Variants in MYO6 observed in about 807,000 individuals in gnomAD.
The protein encoded by MYO6 is myosin VI, also known as unconventional myosin-VI.
MYO6 carries 74 observed loss-of-function variants against 178.7 expected under a neutral mutation model. The ratio of observed to expected loss-of-function variants is 0.41; its 90% CI spans 0.34 to 0.50. The LOEUF is 0.50. Ranked by LOEUF, MYO6 falls within the 20% of genes least tolerant of loss-of-function variation. The pLI is 0.09. For missense variants in MYO6, 1,330 were observed against 1,547.4 expected (o/e 0.86, Z 2.36); for synonymous variants, 477 against 504.6 (o/e 0.95, Z 0.73).
intron 1 of MYO6, among the ~76,000 whole-genome samples, chr6:75,773,146 A>G (rs1238866990): frequency 6.6e-6 from 1 of 152,228 alleles, no homozygotes; most frequent in African/African-American, 2.4e-5. Context: ...ATTCTTCCCA[A>G]TTTGAACTTT....
chr6:75,872,236 A>G (rs967520378), intron 19 of MYO6, among the ~76,000 whole-genome samples: 2 of 152,254 alleles, frequency 1.3e-5, no homozygotes, highest in Non-Finnish European at 2.9e-5. Flanking sequence ...GAAGAGAAAC[A>G]GTTATTTGGA....
chr6:75,830,217 C>A (rs1772939221), intron 4 of MYO6, among the ~76,000 whole-genome samples, 199 bp from the exon 5 acceptor site: 1 of 151,976 alleles, frequency 6.6e-6, no homozygotes, highest in Non-Finnish European at 1.5e-5. Context: ...TGGTAAGATA[C>A]AAATATTTAT....
chr6:75,836,082 A>G, intron 7 of MYO6, 126 bp downstream of exon 7: 2 of 733,918 alleles, frequency 2.7e-6, no homozygotes, highest in Non-Finnish European at 5.0e-6. Flanking sequence ...ATCATTGCTC[A>G]TATATCATCT....
intron 1 of MYO6, among the ~76,000 whole-genome samples, chr6:75,781,241 A>G (rs1460836888): frequency 7.9e-5 from 12 of 152,232 alleles, no homozygotes. Context: ...AAGTAGGTTC[A>G]TAGAAAGGGG....
At chr6:75,857,864 T>C (rs895774595) in intron 13 of MYO6, among the ~76,000 whole-genome samples, 1 of 152,204 alleles carries the variant, frequency 6.6e-6, no homozygotes, top group Non-Finnish European at 1.5e-5. Context: ...AATCTTGAAA[T>C]GTAAATCTAA....
At chr6:75,812,422 G>A (rs1241158591) in intron 1 of MYO6, among the ~76,000 whole-genome samples, 1 of 152,104 alleles carries the variant, frequency 6.6e-6, no homozygotes, top group Non-Finnish European at 1.5e-5. Flanking sequence ...GAAGTACCCA[G>A]CAACTCAAGG....
chr6:75,810,520 T>A (rs933103128), intron 1 of MYO6, among the ~76,000 whole-genome samples: 1 of 152,184 alleles, frequency 6.6e-6, no homozygotes, highest in South Asian at 2.1e-4. Flanking sequence ...GAGGGGGGTA[T>A]AATGAGGCAT....
chr6:75,795,919 C>T (rs534092365), intron 1 of MYO6, among the ~76,000 whole-genome samples: 3 of 152,216 alleles, frequency 2.0e-5, no homozygotes, highest in East Asian at 1.9e-4. Context: ...GATGATTGCT[C>T]TACTGAATTT....
intron 15 of MYO6, among the ~76,000 whole-genome samples, chr6:75,861,959 A>G (rs1776246760): frequency 6.6e-6 from 1 of 152,128 alleles, no homozygotes; most frequent in Non-Finnish European, 1.5e-5. Context: ...TCCCATTTGT[A>G]GCTTAGTTCA....
chr6:75,908,375 G>T (rs1304617108), intron 31 of MYO6, 121 bp from the exon 32 acceptor site: 1 of 891,064 alleles, frequency 1.1e-6, no homozygotes, highest in Non-Finnish European at 1.7e-6. Flanking sequence ...GCTTACTTTT[G>T]ATTTTGTACC....
intron 3 of MYO6, among the ~76,000 whole-genome samples, chr6:75,827,088 A>G (rs1280050): frequency 0.64 from 97,587 of 152,060 alleles, 32,961 homozygotes; most frequent in East Asian, 0.91. Flanking sequence ...AGCAGTTTCA[A>G]TGAGGGATCA....
chr6:75,905,422 C>T (rs572215368), intron 30 of MYO6, among the ~76,000 whole-genome samples: 105 of 152,336 alleles, frequency 6.9e-4, no homozygotes, highest in African/African-American at 2.3e-3. Context: ...TCTCCTGGTG[C>T]GCCATTTTTT....
At chr6:75,902,474 A>G (rs1252298021) in intron 30 of MYO6, among the ~76,000 whole-genome samples, 1 of 152,138 alleles carries the variant, frequency 6.6e-6, no homozygotes, top group Non-Finnish European at 1.5e-5. Context: ...GTGTTGAGGA[A>G]TTTATCCATT....
chr6:75,797,125 T>C (rs1768931134), intron 1 of MYO6, among the ~76,000 whole-genome samples: 1 of 152,202 alleles, frequency 6.6e-6, no homozygotes, highest in African/African-American at 2.4e-5. Context: ...AGTCTTGCTC[T>C]GTCACCCAGG....
At chr6:75,823,887 ACT>A (rs1403802733) in intron 3 of MYO6, among the ~76,000 whole-genome samples, 2 of 152,206 alleles carry the variant, frequency 1.3e-5, no homozygotes, top group African/African-American at 2.4e-5. Flanking sequence ...GCATCTAATG[ACT>A]CTTAATAAAT....
chr6:75,874,825 T>C (rs772765140), intron 20 of MYO6, among the ~76,000 whole-genome samples: 6 of 152,242 alleles, frequency 3.9e-5, no homozygotes, highest in Non-Finnish European at 8.8e-5. Context: ...TCATGCATTC[T>C]ACTTACTCTT....
chr6:75,809,549 AT>A (rs143751820), intron 1 of MYO6, among the ~76,000 whole-genome samples: 2,545 of 152,136 alleles, frequency 0.017, 70 homozygotes, highest in African/African-American at 0.059. Context: ...GGTTTTATAC[AT>A]TTTAGGAAGG....
At chr6:75,905,452 C>T (rs1780219372) in intron 30 of MYO6, among the ~76,000 whole-genome samples, 1 of 152,242 alleles carries the variant, frequency 6.6e-6, no homozygotes, top group Non-Finnish European at 1.5e-5. Flanking sequence ...CGGAAAAGCG[C>T]AGTATTCGGG....
rs1484808168 is a variant in MYO6, at chr6:75,830,205, G to A, written c.262-211G>A. ...TATGCCGAACTAAAGGTGCCTATGGGTTGGTAAGATACAAATATTTATTAA... is the reference window on the plus strand; with the variant it reads ...TATGCCGAACTAAAGGTGCCTATGGATTGGTAAGATACAAATATTTATTAA... On this transcript the variant is annotated intron_variant, in intron 4 of 34. Coordinates refer to ENST00000369977, the MANE Select transcript of MYO6 (RefSeq NM_004999.4). 7.9e-5 allele frequency among the ~76,000 whole-genome samples: 12 copies of A among 152,266 alleles called. No homozygotes were observed. In the East Asian group the frequency reaches 2.3e-3, roughly 29 times the overall value.
Sources: allele counts gnomAD v4.1 joint callset (sites outside exome capture counted in the v4.1 genomes callset), GRCh38; gene constraint gnomAD v4.1.1; transcripts MANE v1.5; gene names NCBI Gene and HGNC (gene_info 2026-07-23, HGNC 2026-07-21).